The following ARHGEF10L variants were observed in gnomAD, a reference collection of about 807,000 sequenced individuals.
The protein encoded by ARHGEF10L is Rho guanine nucleotide exchange factor 10 like.
ARHGEF10L carries 69 observed loss-of-function variants against 141.2 expected under a neutral mutation model. The ratio of observed to expected loss-of-function variants is 0.49; its 90% confidence interval spans 0.40 to 0.60. ARHGEF10L has a LOEUF of 0.60. Among genes scored for constraint, ARHGEF10L ranks in the 20% least tolerant of loss-of-function variants. The pLI is 0.00. For synonymous variants in ARHGEF10L, 711 were observed against 718.5 expected, an observed-to-expected ratio of 0.99 and a Z score of 0.17; for missense variants, 1,482 against 1,734.3, an observed-to-expected ratio of 0.85 and a Z score of 2.58.
At chr1:17,638,409 C>T (rs2061142440) in intron 19 of ARHGEF10L, among the ~76,000 whole-genome samples, 153 bp from the exon 20 acceptor site, 1 of 152,228 alleles carries the variant, frequency 6.6e-6, no homozygotes, top group African/African-American at 2.4e-5. Context: ...GCGAGTTGGC[C>T]TCCTGCGTGG....
chr1:17,532,596 CT>C, the ARHGEF10L span, among the ~76,000 whole-genome samples: 2,797 of 137,508 alleles, frequency 0.02, 95 homozygotes, highest in African/African-American at 0.069. Flanking sequence ...CACCCTTGAT[CT>C]TTTTTTTTTT....
At chr1:17,677,251 G>A (rs1304584021) in intron 26 of ARHGEF10L, among the ~76,000 whole-genome samples, 1 of 152,222 alleles carries the variant, frequency 6.6e-6, no homozygotes, top group Non-Finnish European at 1.5e-5. Context: ...CTTTCTAGAT[G>A]TTAAATGAAT....
At position 17,648,587 on chromosome 1, in the gene ARHGEF10L, A is replaced by C; in HGVS notation, c.2306A>C (p.Asp769Ala). The C allele has an allele frequency of 1.2e-6, 2 of 1,613,720 alleles. No individual in the cohort carries two copies. The highest frequency in any genetic ancestry group is 1.1e-5 in the South Asian group (1 of 91,052). ...EENQPGWLCP[D>A]EDKKSKAPFW... ...AACCAGCCAGGCTGGCTATGCCCGG[A>C]TGAGGACAAGAAGAGCAAAGCCCCA... The change falls in exon 22 of 29, where the codon GAT becomes GCT. Residue 769 changes from aspartate (D) to alanine (A), a missense_variant. Asp to Ala is a moderately radical substitution (Grantham distance 126). Coordinates refer to ENST00000361221, the MANE Select transcript of ARHGEF10L (RefSeq NM_018125.4).
intron 21 of ARHGEF10L, among the ~76,000 whole-genome samples, chr1:17,641,233 A>G (rs1459780882): frequency 6.6e-6 from 1 of 152,238 alleles, no homozygotes. Context: ...ATGATGTACT[A>G]CAGTTCCCAT....
chr1:17,570,309 C>G (rs934377182), intron 1 of ARHGEF10L, among the ~76,000 whole-genome samples: 1 of 152,170 alleles, frequency 6.6e-6, no homozygotes, highest in Non-Finnish European at 1.5e-5. Flanking sequence ...GACACTGGGT[C>G]AGGGCATGTG....
At chr1:17,643,765 C>T (rs1324861637) in intron 21 of ARHGEF10L, among the ~76,000 whole-genome samples, 1 of 152,174 alleles carries the variant, frequency 6.6e-6, no homozygotes, top group Non-Finnish European at 1.5e-5. Flanking sequence ...ACAGCCAGCC[C>T]TTGGCACATA....
rs6703874 is a variant in ARHGEF10L at position 17,674,357 on chromosome 1, C to G, written c.3009+9762C>G. 1.1e-3 allele frequency among the ~76,000 whole-genome samples: 162 copies of G among 152,262 alleles called. 1 individual carries two copies. Among genetic ancestry groups the G allele is most frequent in the African/African-American group, 3.7e-3 (154 of 41,544 alleles). On this transcript the variant is annotated intron_variant, in intron 26 of 28. Transcript: ENST00000361221. ...CCTCCCAGGTACCTGGGGAGAGAAG[C>G]GAGCTTCATAGAGTGGGTGGTGACA...
intron 28 of ARHGEF10L, among the ~76,000 whole-genome samples, chr1:17,696,612 T>C (rs2065518648): frequency 6.6e-6 from 1 of 152,124 alleles, no homozygotes; most frequent in Admixed American, 6.5e-5. Flanking sequence ...TTCTTGGAAT[T>C]TCACACTGAG....
Position 17,644,484 on chromosome 1 carries a change from G to C in ARHGEF10L, c.2273-4070G>C, listed in dbSNP as rs2061482093. On this transcript the variant is annotated intron_variant, in intron 21 of 28. Transcript: ENST00000361221. This position sits in a 1 kb window ranked among gnomAD's most constrained non-coding sequence, Gnocchi z 4.5. ...GACCCTGGTTTTACCCCAGCTGGGA[G>C]ACTGTGGCTACTTGCTTGGCCTCCC... Among the ~76,000 whole-genome samples, 1 of 152,232 alleles carries C rather than the reference G, an allele frequency of 6.6e-6. No individual in the cohort carries two copies.
intron 1 of ARHGEF10L, among the ~76,000 whole-genome samples, chr1:17,541,743 G>T (rs376496226): frequency 6.6e-6 from 1 of 152,136 alleles, no homozygotes; most frequent in Admixed American, 6.5e-5. Context: ...TGAGGTGGGC[G>T]GATTACCTGA....
the ARHGEF10L span, among the ~76,000 whole-genome samples, chr1:17,528,021 A>C: frequency 6.6e-6 from 1 of 151,724 alleles, no homozygotes; most frequent in African/African-American, 2.4e-5. Flanking sequence ...GGCATGAGCC[A>C]CCATACCTGG....
At chr1:17,584,561 A>G (rs987458796) in intron 2 of ARHGEF10L, among the ~76,000 whole-genome samples, 1 of 152,194 alleles carries the variant, frequency 6.6e-6, no homozygotes, top group Admixed American at 6.5e-5. Flanking sequence ...GACAACAGCC[A>G]TAGAGAAAGG....
intron 4 of ARHGEF10L, among the ~76,000 whole-genome samples, chr1:17,601,058 A>C (rs1017695998): frequency 1.3e-5 from 2 of 149,008 alleles, no homozygotes; most frequent in Admixed American, 6.6e-5. Flanking sequence ...TCAAAAAAAA[A>C]AAAAAAAAAA....
intron 1 of ARHGEF10L, among the ~76,000 whole-genome samples, chr1:17,559,033 G>T (rs1349554040): frequency 6.6e-6 from 1 of 152,188 alleles, no homozygotes; most frequent in Non-Finnish European, 1.5e-5. Flanking sequence ...GTTGGGGTGT[G>T]GGGGGAGCAG....
intron 22 of ARHGEF10L, among the ~76,000 whole-genome samples, chr1:17,653,377 A>G (rs1232565061): frequency 6.6e-6 from 1 of 152,094 alleles, no homozygotes; most frequent in Non-Finnish European, 1.5e-5. Context: ...GAAGGAGAGG[A>G]GCCATTTGAG....
In ARHGEF10L at chr1:17,697,760, G is replaced by T; in HGVS notation, c.*380G>T. The T allele has an allele frequency of 2.2e-6, 1 of 451,710 alleles. No individual in the cohort carries two copies. The highest frequency in any genetic ancestry group is 4.4e-6 in the Non-Finnish European group (1 of 228,594). The allele number at this position is 451,710 out of a possible 1,614,324, so 28.0% of individuals were successfully genotyped here. A position where few individuals can be genotyped will look rare whatever the true frequency, so the allele number is the denominator to read the frequency against. ...TGTGCGAGTGTGTGGGCTGGTGTGT[G>T]AATATCTATAAATAAGTATATATGG... On this transcript the variant is annotated 3_prime_UTR_variant, in exon 29 of 29. Coordinates refer to ENST00000361221, the MANE Select transcript of ARHGEF10L (RefSeq NM_018125.4). This position sits in a 1 kb window ranked among gnomAD's most constrained non-coding sequence, Gnocchi z 4.8.
At chr1:17,650,706 C>G (rs971054609) in intron 22 of ARHGEF10L, among the ~76,000 whole-genome samples, 36 of 146,556 alleles carry the variant, frequency 2.5e-4, no homozygotes, top group African/African-American at 8.9e-4. Flanking sequence ...GCATTCCAGC[C>G]TGGGTGACAG....
Position 17,558,814 on chromosome 1 carries a change from G to A in ARHGEF10L, c.-44+18864G>A, listed in dbSNP as rs1380940082. Among the ~76,000 whole-genome samples the A allele has an allele frequency of 6.6e-6, 1 of 152,200 alleles. No individual in the cohort carries two copies. The highest frequency in any genetic ancestry group is 2.4e-5 in the African/African-American group (1 of 41,434). The stretch of plus-strand genomic sequence containing the variant: ...TCACTGAGGAGCTGTGGCTCTGTGG[G>A]GCCACAGATAGGGTCCAGGCAGGGG... On this transcript the variant is annotated intron_variant, in intron 1 of 28. Transcript: ENST00000361221. This position sits in a 1 kb window ranked among gnomAD's most constrained non-coding sequence, Gnocchi z 4.2.
Position 17,619,304 on chromosome 1 carries a change from C to A in ARHGEF10L, c.836-35C>A. 6.3e-7 allele frequency: 1 copy of A among 1,594,014 alleles called. No individual in the cohort carries two copies. Among genetic ancestry groups the A allele is most frequent in the East Asian group, 2.2e-5 (1 of 44,698 alleles). ...GCCTGAGCAGGGTGTGCTGTCCCTG[C>A]CTTAGCTGTGTCATCGGCCCATCTG... is the stretch of plus-strand genomic sequence containing the variant. On this transcript the variant is annotated intron_variant, in intron 9 of 28. Transcript: ENST00000361221. The surrounding 1 kb of genome is among the most constrained non-coding windows in gnomAD (Gnocchi z 5.0).
Sources: allele counts gnomAD v4.1 joint callset (sites outside exome capture counted in the v4.1 genomes callset), GRCh38; gene constraint gnomAD v4.1.1; non-coding constraint Gnocchi (gnomAD v3.1); transcripts MANE v1.5; gene names NCBI Gene and HGNC (gene_info 2026-07-23, HGNC 2026-07-21).